TLN1: variants seen among roughly 807,000 people sequenced by gnomAD.
TLN1 encodes the protein talin-1.
Under a neutral mutation model 292.3 loss-of-function variants are expected in TLN1, and 56 were observed. The ratio of observed to expected loss-of-function variants is 0.19; its 90% CI spans 0.15 to 0.24. The LOEUF (loss-of-function observed/expected upper bound fraction) is 0.24, where lower values mean the gene tolerates loss of function less well. Ranked by LOEUF, TLN1 falls within the 10% of genes least tolerant of loss-of-function variation. TLN1 has a pLI of 1.00. For missense variants in TLN1, 2,433 were observed against 3,248.2 expected (o/e 0.75, Z 6.10); for synonymous variants, 1,119 against 1,253.7 (o/e 0.89, Z 2.27).
In TLN1 at chr9:35,698,312, A is replaced by G. The variant is rs1311952259; in HGVS notation, c.7371+11T>C. The G allele has an allele frequency of 6.2e-7, 1 of 1,613,678 alleles. No homozygotes were observed. Among genetic ancestry groups the G allele is most frequent in the Non-Finnish European group, 8.5e-7 (1 of 1,179,764 alleles). On this transcript the variant is annotated intron_variant, in intron 55 of 56. Transcript: ENST00000314888. The surrounding 1 kb of genome is among the most constrained non-coding windows in gnomAD (Gnocchi z 5.3). Reference sequence around the variant, plus strand: ...AGCCCAAGGGACAATGGGATGGGTCAGGGTTCTCACCTGAAGTCGTTTCAT... The same window carrying G: ...AGCCCAAGGGACAATGGGATGGGTCGGGGTTCTCACCTGAAGTCGTTTCAT...
At position 35,719,702 on chromosome 9, in the gene TLN1, C is replaced by G; in HGVS notation, c.1578+38G>C. On this transcript the variant is annotated intron_variant, in intron 14 of 56. Coordinates refer to ENST00000314888, the MANE Select transcript of TLN1 (RefSeq NM_006289.4). This position sits in a 1 kb window ranked among gnomAD's most constrained non-coding sequence, Gnocchi z 4.6. ...TCATCCCTATCCCTTGGAGTCTCAG[C>G]TTCAGTACCACCGGCCTCTCCTCCA... The G allele has an allele frequency of 6.2e-7, 1 of 1,611,850 alleles. No homozygotes were observed. The highest frequency in any genetic ancestry group is 1.7e-4 in the Middle Eastern group (1 of 6,058).
rs749490022 is a variant in TLN1, at chr9:35,717,491, T to C, written c.2164-51A>G. Reference sequence around the variant, plus strand: ...CGTAGGCAAGGGAAAGGAGGTAGAGTATGCTGCTCATAGCAGTAACTGGGA... The same window carrying C: ...CGTAGGCAAGGGAAAGGAGGTAGAGCATGCTGCTCATAGCAGTAACTGGGA... On this transcript the variant is annotated intron_variant, in intron 18 of 56. Coordinates refer to ENST00000314888, the MANE Select transcript of TLN1 (RefSeq NM_006289.4). The surrounding 1 kb of genome is among the most constrained non-coding windows in gnomAD (Gnocchi z 4.7). 6 of 1,591,146 alleles carry C rather than the reference T, an allele frequency of 3.8e-6. No individual in the cohort carries two copies. The Admixed American group carries it at 5.1e-5, about 13-fold the overall frequency.
chr9:35,705,443 G>A, intron 43 of TLN1, 108 bp downstream of exon 43: 1 of 1,192,078 alleles, frequency 8.4e-7, no homozygotes. Flanking sequence ...CCCTGAGGCT[G>A]TTCCCCTTTC....
Position 35,706,600 on chromosome 9 carries a change from C to A in TLN1, c.5089-49G>T. On this transcript the variant is annotated intron_variant, in intron 38 of 56. Transcript: ENST00000314888. This position sits in a 1 kb window ranked among gnomAD's most constrained non-coding sequence, Gnocchi z 4.2. Reference sequence around the variant, plus strand: ...CCTGATGGTGACCTGCAATAGGACCCTCTGGCTACAAAGAACTGCTCTTCT... The same window carrying A: ...CCTGATGGTGACCTGCAATAGGACCATCTGGCTACAAAGAACTGCTCTTCT... 6.2e-7 allele frequency: 1 copy of A among 1,603,270 alleles called. No homozygotes were observed. Among genetic ancestry groups the A allele is most frequent in the South Asian group, 1.1e-5 (1 of 90,698 alleles).
In TLN1 at chr9:35,704,965, C is replaced by T. The variant is rs572791114; in HGVS notation, c.5734-150G>A. 52 of 948,264 alleles carry T rather than the reference C, an allele frequency of 5.5e-5. No individual in the cohort carries two copies. In the South Asian group the frequency reaches 6.2e-4, roughly 11 times the overall value. 58.7% of individuals were successfully genotyped at this position (948,264 alleles called of 1,614,324 possible). ...AAGGTTCCCAGCACAAGGACGTTTC[C>T]GGTTGCATATCCTTTAGGCAGAAGG... On this transcript the variant is annotated intron_variant, in intron 43 of 56. Transcript: ENST00000314888. This position sits in a 1 kb window ranked among gnomAD's most constrained non-coding sequence, Gnocchi z 6.9.
Position 35,719,665 on chromosome 9 carries a change from G to A in TLN1, c.1579-38C>T, listed in dbSNP as rs1825846912. 6.2e-7 allele frequency: 1 copy of A among 1,612,280 alleles called. No individual in the cohort carries two copies. Among genetic ancestry groups the A allele is most frequent in the African/African-American group, 1.3e-5 (1 of 74,894 alleles). ...GGAAAAGCCTTCAGGATCTGCCCTG[G>A]TTTGGTTCACCTCATCCCTATCCCT... is the stretch of plus-strand genomic sequence containing the variant. On this transcript the variant is annotated intron_variant, in intron 14 of 56. Coordinates refer to ENST00000314888, the MANE Select transcript of TLN1 (RefSeq NM_006289.4). The surrounding 1 kb of genome is among the most constrained non-coding windows in gnomAD (Gnocchi z 4.6).
chr9:35,700,085 T>A lies in TLN1; in HGVS notation c.6661-4A>T. ...CTTCTGGGTGGTAAGCTGCTTCCTGTCCCCAGAGTAATATGTTAGCTTTAG... is the reference window on the plus strand; with the variant it reads ...CTTCTGGGTGGTAAGCTGCTTCCTGACCCCAGAGTAATATGTTAGCTTTAG... On this transcript the variant is annotated splice_region_variant and splice_polypyrimidine_tract_variant and intron_variant, in intron 49 of 56. Transcript: ENST00000314888. The A allele has an allele frequency of 6.2e-7, 1 of 1,608,636 alleles. No homozygotes were observed. Among genetic ancestry groups the A allele is most frequent in the Non-Finnish European group, 8.5e-7 (1 of 1,175,870 alleles).
intron 7 of TLN1, 73 bp from the exon 8 acceptor site, chr9:35,722,994 TGGGGGTATGA>T (rs1011673751): frequency 1.5e-6 from 2 of 1,367,688 alleles, no homozygotes; most frequent in African/African-American, 2.8e-5. Flanking sequence ...ACTGTGGGCC[TGGGGGTATGA>T]GGAAATACCT....
chr9:35,731,851 A>C (rs957699856), intron 1 of TLN1, among the ~76,000 whole-genome samples: 4 of 150,596 alleles, frequency 2.7e-5, no homozygotes, highest in Admixed American at 6.6e-5. Flanking sequence ...CCGACTCCTC[A>C]CGCTCCCCAA....
Position 35,720,423 on chromosome 9 carries a change from C to A in TLN1, c.1283+10G>T. On this transcript the variant is annotated intron_variant, in intron 12 of 56. Transcript: ENST00000314888. ...CCTGGGAAATGGGATCAGCCCAACT[C>A]CCTTCGTACTTTTTGGGGGACACTG... 1 of 1,614,024 alleles carries A rather than the reference C, an allele frequency of 6.2e-7. No individual in the cohort carries two copies. The highest frequency in any genetic ancestry group is 8.5e-7 in the Non-Finnish European group (1 of 1,179,930).
In TLN1 at chr9:35,725,633, G is replaced by A. The variant is rs764312097; in HGVS notation, c.62C>T (p.Pro21Leu). 3.1e-6 allele frequency: 5 copies of A among 1,613,892 alleles called. No individual in the cohort carries two copies. The highest frequency in any genetic ancestry group is 2.2e-5 in the East Asian group (1 of 44,876). Reference protein sequence around the residue: ...GNVVKTMQFEPSTMVYDACRI... With the variant: ...GNVVKTMQFELSTMVYDACRI... Reference sequence around the variant, plus strand: ...GCAGGCGTCGTACACCATGGTAGACGGCTCAAACTGCATCGTCTTCACCAC... The same window carrying A: ...GCAGGCGTCGTACACCATGGTAGACAGCTCAAACTGCATCGTCTTCACCAC... Residue 21 changes from proline to leucine, a missense_variant, in exon 2 of 57, where the codon CCG (proline) becomes CTG (leucine). Physicochemically the swap from Pro to Leu is moderately conservative, Grantham distance 98. Around this residue, in one of 7 missense-constraint regions of TLN1, gnomAD observed 155 missense variants for 287.9 expected, o/e 0.54. Transcript: ENST00000314888.
At position 35,712,071 on chromosome 9, in the gene TLN1, G is replaced by C. The variant is rs766702782; in HGVS notation, c.3615C>G (p.Gly1205=). 3 of 1,614,062 alleles carry C rather than the reference G, an allele frequency of 1.9e-6. No homozygotes were observed. The highest frequency in any genetic ancestry group is 1.7e-4 in the Middle Eastern group (1 of 6,058). ...ALNRCVSCLP[G]QRDVDNALRA... is the part of the protein sequence containing the mutation. Reference sequence around the variant, plus strand: ...TCAGGGCATTATCCACATCGCGCTGGCCAGGTAGGCAGCTGACACAGCGGT... The same window carrying C: ...TCAGGGCATTATCCACATCGCGCTGCCCAGGTAGGCAGCTGACACAGCGGT... Residue 1205 remains glycine (G), a synonymous_variant, in exon 28 of 57, where the codon GGC becomes GGG. Transcript: ENST00000314888.
At position 35,712,073 on chromosome 9, in the gene TLN1, C is replaced by G; in HGVS notation, c.3613G>C (p.Gly1205Arg). ...ALNRCVSCLP[G>R]QRDVDNALRA... ...AGGGCATTATCCACATCGCGCTGGC[C>G]AGGTAGGCAGCTGACACAGCGGTTC... The change falls in exon 28 of 57, where the codon GGC becomes CGC. Residue 1205 changes from glycine (G) to arginine (R), a missense_variant. Physicochemically the swap from Gly to Arg is moderately radical, Grantham distance 125. Around this residue, in one of 7 missense-constraint regions of TLN1, gnomAD observed 1,384 missense variants for 1,699.6 expected, o/e 0.81. Transcript: ENST00000314888. 6.8e-6 allele frequency: 11 copies of G among 1,614,066 alleles called. No homozygotes were observed. Among genetic ancestry groups the G allele is most frequent in the Non-Finnish European group, 9.3e-6 (11 of 1,180,012 alleles).
intron 7 of TLN1, chr9:35,723,671 T>C (rs959189493): frequency 1.2e-4 from 44 of 381,702 alleles, no homozygotes; most frequent in African/African-American, 9.3e-4. Flanking sequence ...CCGGTTTCCC[T>C]CTGGCTACTG....
chr9:35,721,635 T>A lies in TLN1; in HGVS notation c.1104+13A>T. On this transcript the variant is annotated intron_variant, in intron 10 of 56. Transcript: ENST00000314888. ...CTCCCAAAGCACTTTCTTGTTATAG[T>A]CCCCAGACTTACCAGGGTGAAGCTT... The A allele has an allele frequency of 1.1e-5, 17 of 1,609,424 alleles. No individual in the cohort carries two copies. The highest frequency in any genetic ancestry group is 1.4e-5 in the Non-Finnish European group (17 of 1,176,028).
At chr9:35,731,745 C>T (rs1203190594) in intron 1 of TLN1, among the ~76,000 whole-genome samples, 1 of 152,206 alleles carries the variant, frequency 6.6e-6, no homozygotes, top group Non-Finnish European at 1.5e-5. Context: ...CCTAAACGGA[C>T]CCCACCTAAT....
chr9:35,714,136 C>G lies in TLN1; in HGVS notation c.3121-55G>C, dbSNP rs150008024. 5.0e-6 allele frequency: 8 copies of G among 1,606,610 alleles called. No individual in the cohort carries two copies. In the African/African-American group the frequency reaches 1.1e-4, roughly 21 times the overall value. On this transcript the variant is annotated intron_variant, in intron 24 of 56. Coordinates refer to ENST00000314888, the MANE Select transcript of TLN1 (RefSeq NM_006289.4). The surrounding 1 kb of genome is among the most constrained non-coding windows in gnomAD (Gnocchi z 4.6). The stretch of plus-strand genomic sequence containing the variant: ...AAGGTCCTGCTGTGTCTCACCAATG[C>G]CTCTGATTACACAATTATCTGCGTA...
intron 1 of TLN1, among the ~76,000 whole-genome samples, chr9:35,729,580 A>G (rs1339079682): frequency 6.6e-6 from 1 of 152,232 alleles, no homozygotes; most frequent in Non-Finnish European, 1.5e-5. Context: ...TACCTTGGAG[A>G]TTAGTTAGAA....
rs1825745056 is a variant in TLN1, at chr9:35,714,640, G to A, written c.2919C>T (p.Ser973=). 6.2e-7 allele frequency: 1 copy of A among 1,613,722 alleles called. No homozygotes were observed. Among genetic ancestry groups the A allele is most frequent in the African/African-American group, 1.3e-5 (1 of 75,060 alleles). ...CGCTGGGGCTGTCAGGCTGGGCTTGGCTTCCTCGGACGCCCTGCACCAGCA... is the reference window on the plus strand; with the variant it reads ...CGCTGGGGCTGTCAGGCTGGGCTTGACTTCCTCGGACGCCCTGCACCAGCA... ...IPLLVQGVRG[S]QAQPDSPSAQ... The change falls in exon 23 of 57, where the codon AGC becomes AGT. Residue 973 remains serine (S), a synonymous_variant. Coordinates refer to ENST00000314888, the MANE Select transcript of TLN1 (RefSeq NM_006289.4). The surrounding 1 kb of genome is among the most constrained non-coding windows in gnomAD (Gnocchi z 4.6).
Sources: gnomAD v4.1 joint callset for allele counts (sites outside exome capture counted in the v4.1 genomes callset) on GRCh38, gnomAD v4.1.1 for gene constraint, gnomAD v4.1.1 regional missense constraint, Gnocchi (gnomAD v3.1) non-coding constraint, MANE v1.5 for transcripts, NCBI Gene and HGNC (gene_info 2026-07-23, HGNC 2026-07-21) for gene names.